The following STK3 variants were observed in gnomAD, a reference collection of about 807,000 sequenced individuals.
The protein encoded by STK3 is serine/threonine kinase 3.
STK3 carries 41 observed loss-of-function variants against 58.0 expected under a neutral mutation model. The ratio of observed to expected loss-of-function variants is 0.71; its 90% CI spans 0.55 to 0.92. The LOEUF is 0.92. Ranked by LOEUF, STK3 falls within the 40% of genes least tolerant of loss-of-function variation. The pLI is 0.00. For synonymous variants in STK3, 170 were observed against 191.0 expected (o/e 0.89, Z 0.91); for missense variants, 479 against 602.7 (o/e 0.79, Z 2.15).
chr8:98,818,483 T>C (rs1320716754), intron 1 of STK3, among the ~76,000 whole-genome samples: 2 of 152,156 alleles, frequency 1.3e-5, no homozygotes, highest in African/African-American at 2.4e-5. Context: ...GGAGACTATG[T>C]GGCTTGGTTC....
At chr8:98,357,316 G>A in the STK3 span, among the ~76,000 whole-genome samples, 1 of 152,164 alleles carries the variant, frequency 6.6e-6, no homozygotes, top group Non-Finnish European at 1.5e-5. Flanking sequence ...CAGGATGCTG[G>A]CCTTGAAGGT....
Position 98,689,954 on chromosome 8 carries a change from T to C in STK3, c.684+16513A>G, listed in dbSNP as rs372089905. 1.2e-4 allele frequency among the ~76,000 whole-genome samples: 18 copies of C among 152,238 alleles called. No homozygotes were observed. In the East Asian group the frequency reaches 3.3e-3, roughly 28 times the overall value. On this transcript the variant is annotated intron_variant, in intron 6 of 10. Transcript: ENST00000419617. Reference sequence around the variant, plus strand: ...ATTAAAAACAAAAACCATATAATCATCTCAATAGACACAGAAAAGGCTTTT... The same window carrying C: ...ATTAAAAACAAAAACCATATAATCACCTCAATAGACACAGAAAAGGCTTTT...
At chr8:98,691,043 C>A (rs190851831) in intron 6 of STK3, among the ~76,000 whole-genome samples, 1 of 152,194 alleles carries the variant, frequency 6.6e-6, no homozygotes, top group East Asian at 1.9e-4. Flanking sequence ...AAACAACAGA[C>A]GCTAGGAACT....
At chr8:98,576,856 C>T (rs1363881697) in intron 8 of STK3, among the ~76,000 whole-genome samples, 1 of 152,176 alleles carries the variant, frequency 6.6e-6, no homozygotes, top group Non-Finnish European at 1.5e-5. Flanking sequence ...GCACCAGTCC[C>T]TCAGGGAACC....
At chr8:98,698,206 C>T (rs1412976861) in intron 6 of STK3, among the ~76,000 whole-genome samples, 49 of 150,548 alleles carry the variant, frequency 3.3e-4, no homozygotes, top group Admixed American at 4.0e-4. Context: ...TTTTGTTTTC[C>T]ATTTGCTTGG....
intron 6 of STK3, among the ~76,000 whole-genome samples, chr8:98,605,659 A>T (rs1232822924): frequency 6.6e-6 from 1 of 152,094 alleles, no homozygotes; most frequent in Non-Finnish European, 1.5e-5. Context: ...AGTGGTTCAT[A>T]CAACACAAGT....
chr8:98,577,135 T>C (rs1367119335), intron 8 of STK3, among the ~76,000 whole-genome samples: 1 of 152,210 alleles, frequency 6.6e-6, no homozygotes, highest in African/African-American at 2.4e-5. Flanking sequence ...CAGTTTAACA[T>C]AGTTGCTTCT....
intron 2 of STK3, among the ~76,000 whole-genome samples, chr8:98,374,375 A>C (rs7815872): frequency 0.63 from 96,113 of 152,104 alleles, 31,168 homozygotes; most frequent in Non-Finnish European, 0.69. Context: ...ACAGAATGGA[A>C]AGCCAAGGCC....
chr8:98,595,868 TGAG>T lies in STK3; in HGVS notation c.822+161_822+163del, dbSNP rs1438775010. The T allele has an allele frequency of 7.8e-6, 5 of 642,334 alleles. No individual in the cohort carries two copies. In the Admixed American group the frequency reaches 1.8e-4, roughly 23 times the overall value. 39.8% of individuals were successfully genotyped at this position (642,334 alleles called of 1,614,324 possible). ...TGTTTTAAAATGACTCTGGGGGAAA[TGAG>T]GGGACGAGAGGGGAGGAAAGAAAAG... is the stretch of plus-strand genomic sequence containing the variant. On this transcript the variant is annotated intron_variant, in intron 7 of 10. Transcript: ENST00000419617.
rs370687048 is a variant in STK3 at position 98,744,599 on chromosome 8, G to A, written c.351+4677C>T. Reference sequence around the variant, plus strand: ...GACTGTTGTGGGGTGGGGGGTGGGGGGAGGGATAGCATTAGGAGATATACC... The same window carrying A: ...GACTGTTGTGGGGTGGGGGGTGGGGAGAGGGATAGCATTAGGAGATATACC... On this transcript the variant is annotated intron_variant, in intron 4 of 10. Transcript: ENST00000419617. 2.3e-3 allele frequency among the ~76,000 whole-genome samples: 264 copies of A among 116,498 alleles called. 9 individuals are homozygous for A. The Admixed American group carries it at 0.024, about 11-fold the overall frequency. The allele number at this position is 116,498 out of a possible 152,430, so 76.4% of individuals were successfully genotyped here.
At chr8:98,447,345 G>T (rs1171919472) in intron 1 of STK3, among the ~76,000 whole-genome samples, 1 of 152,024 alleles carries the variant, frequency 6.6e-6, no homozygotes, top group Non-Finnish European at 1.5e-5. Context: ...ACCTACCTTT[G>T]AGGACTTCCA....
intron 1 of STK3, among the ~76,000 whole-genome samples, chr8:98,799,912 C>G (rs1833409947): frequency 6.6e-6 from 1 of 152,190 alleles, no homozygotes; most frequent in African/African-American, 2.4e-5. Flanking sequence ...AGGCCTAGAC[C>G]TCCTCACTGC....
At chr8:98,794,421 A>C (rs1307741349) in intron 1 of STK3, among the ~76,000 whole-genome samples, 1 of 152,214 alleles carries the variant, frequency 6.6e-6, no homozygotes, top group Non-Finnish European at 1.5e-5. Context: ...AAACCTAGAG[A>C]AAATGGATAA....
chr8:98,562,584 G>A (rs1023383427), intron 8 of STK3, among the ~76,000 whole-genome samples: 4 of 151,564 alleles, frequency 2.6e-5, no homozygotes, highest in Non-Finnish European at 5.9e-5. Flanking sequence ...ACAGTACAGT[G>A]TATCATGTGT....
At chr8:98,425,328 GACAC>G (rs5893464) in intron 3 of STK3, among the ~76,000 whole-genome samples, 112,236 of 150,850 alleles carry the variant, frequency 0.74, 42,489 homozygotes, top group Non-Finnish European at 0.8. Context: ...CTCCCTCTCA[GACAC>G]ACACACACAC....
intron 2 of STK3, among the ~76,000 whole-genome samples, chr8:98,375,485 A>G (rs892292669): frequency 6.6e-6 from 1 of 152,144 alleles, no homozygotes; most frequent in South Asian, 2.1e-4. Flanking sequence ...AGATTCATTT[A>G]ATACTACTAT....
intron 6 of STK3, among the ~76,000 whole-genome samples, chr8:98,681,498 C>T (rs150018665): frequency 7.6e-4 from 116 of 152,152 alleles, no homozygotes; most frequent in African/African-American, 2.6e-3. Context: ...ATCTGGTGGT[C>T]CTGACCTTTT....
At chr8:98,642,633 G>A (rs1469558259) in intron 6 of STK3, among the ~76,000 whole-genome samples, 1 of 152,064 alleles carries the variant, frequency 6.6e-6, no homozygotes, top group East Asian at 1.9e-4. Context: ...CCTGATAGCT[G>A]CCCACTCCCA....
intron 1 of STK3, among the ~76,000 whole-genome samples, chr8:98,813,382 A>T (rs1356814634): frequency 6.6e-6 from 1 of 152,200 alleles, no homozygotes; most frequent in Non-Finnish European, 1.5e-5. Context: ...TAGTGTATTT[A>T]CTTTTATAAA....
Sources: gnomAD v4.1 joint callset for allele counts (sites outside exome capture counted in the v4.1 genomes callset) on GRCh38, gnomAD v4.1.1 for gene constraint, MANE v1.5 for transcripts, NCBI Gene and HGNC (gene_info 2026-07-23, HGNC 2026-07-21) for gene names.